HPSE2: variants seen among roughly 807,000 people sequenced by gnomAD.
HPSE2 encodes the protein heparanase 2 (inactive).
Under a neutral mutation model 60.5 loss-of-function variants are expected in HPSE2, and 38 were observed. The observed-to-expected ratio is 0.63, with a 90% CI of 0.48 to 0.82. HPSE2 has a LOEUF of 0.82. HPSE2 is among the 40% of genes least tolerant of loss of function. The probability of loss-of-function intolerance (pLI) is 0.00; values close to 1 mark genes in which losing one functional copy is unlikely to be tolerated. For missense variants in HPSE2, 713 were observed against 740.4 expected (o/e 0.96, Z 0.43); for synonymous variants, 295 against 293.2 (o/e 1.01, Z -0.06).
chr10:98,509,097 A>G (rs899396445), intron 9 of HPSE2, among the ~76,000 whole-genome samples: 1 of 152,092 alleles, frequency 6.6e-6, no homozygotes, highest in Non-Finnish European at 1.5e-5. Context: ...GGGTGCATCA[A>G]AAGGTCAAGA....
intron 9 of HPSE2, among the ~76,000 whole-genome samples, chr10:98,562,828 G>C (rs753173836): frequency 2.0e-5 from 3 of 151,610 alleles, no homozygotes; most frequent in Non-Finnish European, 4.4e-5. Context: ...TTGAGGATTA[G>C]TTACTTTTTT....
chr10:98,805,394 CA>C, intron 3 of HPSE2, among the ~76,000 whole-genome samples: 1 of 151,994 alleles, frequency 6.6e-6, no homozygotes, highest in South Asian at 2.1e-4. Context: ...GTTTATAACA[CA>C]AAGGATAAAA....
At chr10:98,769,472 G>A (rs1275174671) in intron 3 of HPSE2, among the ~76,000 whole-genome samples, 1 of 152,140 alleles carries the variant, frequency 6.6e-6, no homozygotes, top group Non-Finnish European at 1.5e-5. Flanking sequence ...TTCTGGCAAA[G>A]GTTCCACTGA....
chr10:98,868,209 G>A lies in HPSE2; in HGVS notation c.611-124153C>T, dbSNP rs529598889. 2.0e-5 allele frequency among the ~76,000 whole-genome samples: 3 copies of A among 151,826 alleles called. No individual in the cohort carries two copies. The East Asian group carries it at 5.8e-4, about 29-fold the overall frequency. ...ATTTGCAACAACATGGATGAAACTGGAGGTTATTATGTTAAATGAAATAAG... is the reference window on the plus strand; with the variant it reads ...ATTTGCAACAACATGGATGAAACTGAAGGTTATTATGTTAAATGAAATAAG... On this transcript the variant is annotated intron_variant, in intron 3 of 11. Transcript: ENST00000370552.
At chr10:98,899,053 C>T (rs1191603538) in intron 3 of HPSE2, among the ~76,000 whole-genome samples, 1 of 152,128 alleles carries the variant, frequency 6.6e-6, no homozygotes, top group African/African-American at 2.4e-5. Context: ...ACAGGAAAAA[C>T]TTTGTGCCTT....
At chr10:99,003,137 T>C (rs1589498467) in intron 3 of HPSE2, among the ~76,000 whole-genome samples, 2 of 152,110 alleles carry the variant, frequency 1.3e-5, no homozygotes, top group South Asian at 4.1e-4. Context: ...TTTCACTTAA[T>C]ATAATGTCCT....
intron 3 of HPSE2, among the ~76,000 whole-genome samples, chr10:98,752,319 C>T (rs1417026054): frequency 1.3e-5 from 2 of 152,092 alleles, no homozygotes; most frequent in Non-Finnish European, 2.9e-5. Context: ...GTGATATGGT[C>T]TTAAGCAGTT....
At chr10:99,040,934 A>C (rs1284477442) in intron 3 of HPSE2, among the ~76,000 whole-genome samples, 1 of 151,898 alleles carries the variant, frequency 6.6e-6, no homozygotes, top group Non-Finnish European at 1.5e-5. Context: ...AAAATACAAA[A>C]AAATTAGCCA....
chr10:99,065,422 T>C (rs900566917), intron 3 of HPSE2, among the ~76,000 whole-genome samples: 10 of 151,912 alleles, frequency 6.6e-5, no homozygotes, highest in Admixed American at 6.6e-5. Context: ...TTACATTGAT[T>C]AGTAAAAAAC....
intron 2 of HPSE2, among the ~76,000 whole-genome samples, chr10:99,228,887 A>G (rs1033231720): frequency 7.9e-5 from 12 of 152,136 alleles, no homozygotes; most frequent in Admixed American, 3.3e-4. Context: ...ACAAAATCAC[A>G]TCGGGGCCAG....
chr10:98,587,059 T>A (rs1048625531), intron 9 of HPSE2, among the ~76,000 whole-genome samples: 2 of 152,210 alleles, frequency 1.3e-5, no homozygotes, highest in Non-Finnish European at 2.9e-5. Context: ...GCATATGAAA[T>A]GTCTTAATAA....
Position 98,620,139 on chromosome 10 carries a change from C to T in HPSE2, c.1205+463G>A, listed in dbSNP as rs115310232. 9.3e-3 allele frequency among the ~76,000 whole-genome samples: 1,422 copies of T among 152,284 alleles called. 21 individuals carry two copies. Among genetic ancestry groups the T allele is most frequent in the African/African-American group, 0.032 (1,310 of 41,568 alleles). The stretch of plus-strand genomic sequence containing the variant: ...AAGCACTTCAGACAGCGGTAAGCAC[C>T]GTATCATTAAAAGTATGATTACTAC... On this transcript the variant is annotated intron_variant, in intron 8 of 11. Transcript: ENST00000370552.
intron 11 of HPSE2, among the ~76,000 whole-genome samples, chr10:98,461,493 G>A (rs974920482): frequency 6.6e-6 from 1 of 152,250 alleles, no homozygotes; most frequent in African/African-American, 2.4e-5. Context: ...CCTCTGTAGT[G>A]AAGACAGCCT....
Position 98,914,646 on chromosome 10 carries a change from G to C in HPSE2, c.611-170590C>G, listed in dbSNP as rs534128775. Among the ~76,000 whole-genome samples the C allele has an allele frequency of 4.7e-5, 7 of 147,772 alleles. No individual in the cohort carries two copies. The East Asian group carries it at 1.4e-3, about 29-fold the overall frequency. On this transcript the variant is annotated intron_variant, in intron 3 of 11. Transcript: ENST00000370552. ...TACATATAGAATAAATGTTTAATAAGAAAGGTTACCCAGATCCCAATAAAT... is the reference window on the plus strand; with the variant it reads ...TACATATAGAATAAATGTTTAATAACAAAGGTTACCCAGATCCCAATAAAT...
chr10:99,009,639 T>C (rs1327357986), intron 3 of HPSE2, among the ~76,000 whole-genome samples: 1 of 152,154 alleles, frequency 6.6e-6, no homozygotes, highest in Non-Finnish European at 1.5e-5. Flanking sequence ...TGTCCAAGTC[T>C]GATTAAACCA....
chr10:98,567,428 C>T (rs954527688), intron 9 of HPSE2, among the ~76,000 whole-genome samples: 5 of 152,160 alleles, frequency 3.3e-5, no homozygotes, highest in Admixed American at 3.3e-4. Context: ...TGGAAACACT[C>T]ATAAAGCCAT....
chr10:98,556,888 T>C (rs939743564), intron 9 of HPSE2, among the ~76,000 whole-genome samples: 1 of 152,214 alleles, frequency 6.6e-6, no homozygotes, highest in African/African-American at 2.4e-5. Flanking sequence ...AAGAGACTTA[T>C]ACCACCAGAT....
At chr10:98,630,184 T>TG (rs1946323839) in intron 7 of HPSE2, among the ~76,000 whole-genome samples, 4 of 86,462 alleles carry the variant, frequency 4.6e-5, no homozygotes, top group Non-Finnish European at 6.7e-5. Context: ...GAAGCAATCG[T>TG]TTTTTTTTTT....
At chr10:99,164,144 C>T (rs1435217583) in intron 2 of HPSE2, among the ~76,000 whole-genome samples, 2 of 148,500 alleles carry the variant, frequency 1.3e-5, no homozygotes, top group Non-Finnish European at 3.0e-5. Context: ...TTCTTATTTT[C>T]TCAATCCCTC....
Sources: allele counts gnomAD v4.1 joint callset (sites outside exome capture counted in the v4.1 genomes callset), GRCh38; gene constraint gnomAD v4.1.1; transcripts MANE v1.5; gene names NCBI Gene and HGNC (gene_info 2026-07-23, HGNC 2026-07-21).